The following DCAF8L2 variants were observed in gnomAD, a reference collection of about 807,000 sequenced individuals.
DCAF8L2 encodes the protein DDB1 and CUL4 associated factor 8 like 2.
For synonymous variants in DCAF8L2, 200 were observed against 190.9 expected (o/e 1.05, Z -0.39); for missense variants, 430 against 490.7 (o/e 0.88, Z 1.17).
intron 1 of DCAF8L2, chrX:27,627,585 A>G (rs113685468): frequency 0.036 from 3,256 of 89,393 alleles, 39 homozygotes; most frequent in Middle Eastern, 0.065. Flanking sequence ...GTGTGTATGC[A>G]TGTGTGTGTG....
At chrX:27,506,278 T>G in the DCAF8L2 span, among the ~76,000 whole-genome samples, 1 of 111,849 alleles carries the variant, frequency 8.9e-6, no homozygotes, top group Middle Eastern at 4.6e-3. Context: ...AGAGTGCAAA[T>G]TGAGAGTTCC....
chrX:27,516,061 G>A, the DCAF8L2 span, among the ~76,000 whole-genome samples: 1 of 112,239 alleles, frequency 8.9e-6, no homozygotes, highest in South Asian at 3.6e-4. Context: ...AATCTACTGT[G>A]TATGAAAATG....
chrX:27,536,261 C>T, the DCAF8L2 span, among the ~76,000 whole-genome samples: 1 of 112,894 alleles, frequency 8.9e-6, no homozygotes, highest in Non-Finnish European at 1.9e-5. Context: ...AAACTCTCTA[C>T]TTTGACCAAT....
chrX:27,618,470 G>A (rs778958518), intron 1 of DCAF8L2, among the ~76,000 whole-genome samples: 1 of 111,596 alleles, frequency 9.0e-6, no homozygotes. Flanking sequence ...ATGAGAAAAC[G>A]TTCATAGACT....
chrX:27,626,458 T>C (rs1462366679), intron 1 of DCAF8L2, among the ~76,000 whole-genome samples: 3 of 111,708 alleles, frequency 2.7e-5, no homozygotes, highest in African/African-American at 9.8e-5. Flanking sequence ...ATCTGTAGTT[T>C]AGGGCATAGC....
At chrX:27,675,065 A>T (rs974755602) in intron 2 of DCAF8L2, among the ~76,000 whole-genome samples, 1 of 112,118 alleles carries the variant, frequency 8.9e-6, no homozygotes, top group African/African-American at 3.2e-5. Context: ...TATCATTTAA[A>T]GTCAAACTCT....
At chrX:27,653,942 G>A (rs1418803668) in intron 2 of DCAF8L2, among the ~76,000 whole-genome samples, 1 of 111,464 alleles carries the variant, frequency 9.0e-6, no homozygotes, top group African/African-American at 3.3e-5. Context: ...AGTGTCATGG[G>A]ACTGAAATTA....
chrX:27,517,992 A>G, the DCAF8L2 span: 7 of 1,156,871 alleles, frequency 6.1e-6, no homozygotes, highest in Admixed American at 2.2e-5. Flanking sequence ...GTTATCCTAC[A>G]TGGCTTAAAC....
chrX:27,561,277 C>G, the DCAF8L2 span, among the ~76,000 whole-genome samples: 1 of 111,649 alleles, frequency 9.0e-6, no homozygotes, highest in Non-Finnish European at 1.9e-5. Flanking sequence ...GACTTTCACA[C>G]CTGGCTTTTA....
At chrX:27,605,081 T>C (rs1278069211) in intron 1 of DCAF8L2, among the ~76,000 whole-genome samples, 3 of 111,476 alleles carry the variant, frequency 2.7e-5, no homozygotes, top group South Asian at 3.7e-4. Context: ...TAGAGTCAGA[T>C]GGCTATGAGG....
intron 2 of DCAF8L2, among the ~76,000 whole-genome samples, chrX:27,667,892 T>C (rs1436959551): frequency 8.9e-6 from 1 of 112,301 alleles, no homozygotes; most frequent in Non-Finnish European, 1.9e-5. Context: ...CAGACTTCTA[T>C]AGCATGAATT....
At chrX:27,684,626 A>T (rs1250448341) in intron 3 of DCAF8L2, among the ~76,000 whole-genome samples, 1 of 111,839 alleles carries the variant, frequency 8.9e-6, no homozygotes, top group Non-Finnish European at 1.9e-5. Context: ...ATCCTATTAC[A>T]GTAGATGGAA....
chrX:27,610,958 A>G (rs1322646263), intron 1 of DCAF8L2, among the ~76,000 whole-genome samples: 5 of 112,449 alleles, frequency 4.4e-5, no homozygotes, highest in Non-Finnish European at 5.6e-5. Flanking sequence ...TTCTTTTTTA[A>G]TCGGAAAAAA....
intron 2 of DCAF8L2, among the ~76,000 whole-genome samples, chrX:27,670,276 C>T (rs984730212): frequency 4.5e-5 from 5 of 111,119 alleles, no homozygotes; most frequent in Non-Finnish European, 9.4e-5. Context: ...TTTCAAGTAA[C>T]AAACTTACAG....
chrX:27,561,229 A>G, the DCAF8L2 span, among the ~76,000 whole-genome samples: 1 of 111,108 alleles, frequency 9.0e-6, no homozygotes. Context: ...TGTGCTAGCC[A>G]TTTCTTGCTT....
intron 3 of DCAF8L2, among the ~76,000 whole-genome samples, chrX:27,700,852 T>C (rs756877778): frequency 1.2e-4 from 13 of 111,410 alleles, no homozygotes; most frequent in Non-Finnish European, 2.5e-4. Flanking sequence ...AAAATGTCAA[T>C]ATAAAGCCAC....
At chrX:27,557,846 A>G in the DCAF8L2 span, among the ~76,000 whole-genome samples, 5 of 111,422 alleles carry the variant, frequency 4.5e-5, no homozygotes, top group African/African-American at 1.6e-4. Context: ...TATTCCACAT[A>G]CATATACTTC....
the DCAF8L2 span, among the ~76,000 whole-genome samples, chrX:27,523,488 A>G: frequency 1.0e-4 from 11 of 109,669 alleles, no homozygotes; most frequent in African/African-American, 3.3e-4. Context: ...TGATTTGTTT[A>G]AAGAATATTG....
intron 2 of DCAF8L2, among the ~76,000 whole-genome samples, chrX:27,645,352 C>T (rs977024039): frequency 9.0e-6 from 1 of 111,397 alleles, no homozygotes; most frequent in Admixed American, 9.5e-5. Context: ...CAGAAAAGGC[C>T]TTCAATAAAA....
Sources: allele counts gnomAD v4.1 joint callset (sites outside exome capture counted in the v4.1 genomes callset), GRCh38; gene constraint gnomAD v4.1.1; transcripts MANE v1.5; gene names NCBI Gene and HGNC (gene_info 2026-07-23, HGNC 2026-07-21).